The following SOX5 variants were observed in gnomAD, a reference collection of about 807,000 sequenced individuals.
SOX5 encodes transcription factor SOX-5.
Under a neutral mutation model 92.0 loss-of-function variants are expected in SOX5, and 9 were observed. The observed-to-expected ratio is 0.10, with a 90% CI of 0.06 to 0.17. SOX5 has a LOEUF of 0.17. SOX5 is among the 10% of genes least tolerant of loss of function. SOX5 has a pLI of 1.00. For synonymous variants in SOX5, 344 were observed against 336.3 expected (o/e 1.02, Z -0.25); for missense variants, 642 against 944.5 (o/e 0.68, Z 4.20).
chr12:23,868,467 A>T (rs1404189383), intron 2 of SOX5, among the ~76,000 whole-genome samples: 2 of 151,950 alleles, frequency 1.3e-5, no homozygotes, highest in Non-Finnish European at 2.9e-5. Flanking sequence ...CATTTCTCAT[A>T]CTCTTCAGAA....
intron 4 of SOX5, among the ~76,000 whole-genome samples, chr12:24,105,576 C>A (rs939298620): frequency 2.6e-5 from 4 of 152,058 alleles, no homozygotes; most frequent in African/African-American, 9.7e-5. Context: ...ACAAACAAAC[C>A]CATTTTGCTT....
chr12:24,329,642 A>G (rs1951075660), intron 2 of SOX5, among the ~76,000 whole-genome samples: 1 of 152,268 alleles, frequency 6.6e-6, no homozygotes, highest in Non-Finnish European at 1.5e-5. Context: ...ATGGGAATAC[A>G]AAAGCATGAT....
chr12:24,339,680 CA>C (rs1339167460), intron 2 of SOX5, among the ~76,000 whole-genome samples: 2 of 152,070 alleles, frequency 1.3e-5, no homozygotes, highest in Non-Finnish European at 1.5e-5. Flanking sequence ...TCAGTATAGC[CA>C]AAAAATGTTG....
At chr12:24,097,618 AC>A (rs1011884520) in intron 4 of SOX5, among the ~76,000 whole-genome samples, 13 of 151,584 alleles carry the variant, frequency 8.6e-5, no homozygotes, top group African/African-American at 3.2e-4. Context: ...CATTACTTTT[AC>A]TTTTGGAGAA....
At chr12:23,838,399 A>G (rs2096462798) in intron 3 of SOX5, among the ~76,000 whole-genome samples, 1 of 151,746 alleles carries the variant, frequency 6.6e-6, no homozygotes, top group Non-Finnish European at 1.5e-5. Context: ...TGTCATAGCA[A>G]ATTCTCAATA....
chr12:23,570,919 AAAAAAAAAAAAATATATATAT>A (rs1948105057), intron 10 of SOX5, among the ~76,000 whole-genome samples: 2 of 38,816 alleles, frequency 5.2e-5, no homozygotes, highest in African/African-American at 2.1e-4. Flanking sequence ...TCAAAAAAAA[AAAAAAAAAAAAATATATATAT>A]ATATATATAT....
chr12:24,093,317 C>G (rs1381773947), intron 4 of SOX5, among the ~76,000 whole-genome samples: 1 of 151,944 alleles, frequency 6.6e-6, no homozygotes, highest in South Asian at 2.1e-4. Context: ...GTCCGGAGAT[C>G]GAGACCATCC....
At chr12:23,854,898 G>A (rs2096670259) in intron 2 of SOX5, among the ~76,000 whole-genome samples, 1 of 152,000 alleles carries the variant, frequency 6.6e-6, no homozygotes, top group African/African-American at 2.4e-5. Flanking sequence ...TATATGAGCT[G>A]GGGTATTACA....
chr12:23,791,463 T>C (rs1453620108), intron 3 of SOX5, among the ~76,000 whole-genome samples: 1 of 152,180 alleles, frequency 6.6e-6, no homozygotes, highest in South Asian at 2.1e-4. Flanking sequence ...GCACGGGCTT[T>C]AGTTGTTTAT....
rs528400729 is a variant in SOX5, at chr12:24,499,813, T to G, written c.-251+62516A>C. ...AAAGAGAACAGGAAGAGAAGAACTA[T>G]GAACTTAGTGCTGTTAACTATTGGA... On this transcript the variant is annotated intron_variant, in intron 1 of 4. Transcript: ENST00000446891. 1.9e-4 allele frequency among the ~76,000 whole-genome samples: 29 copies of G among 151,800 alleles called. No individual in the cohort carries two copies. The South Asian group carries it at 4.4e-3, about 23-fold the overall frequency.
At chr12:24,304,622 C>T (rs115292853) in intron 2 of SOX5, among the ~76,000 whole-genome samples, 196 of 152,224 alleles carry the variant, frequency 1.3e-3, no homozygotes, top group African/African-American at 4.6e-3. Flanking sequence ...GTTCTCTACT[C>T]GCTTCGTATT....
At chr12:24,105,760 GT>G (rs1946600336) in intron 4 of SOX5, among the ~76,000 whole-genome samples, 1 of 152,092 alleles carries the variant, frequency 6.6e-6, no homozygotes, top group Non-Finnish European at 1.5e-5. Context: ...GTCATTTTAT[GT>G]TACCATAGTC....
intron 2 of SOX5, among the ~76,000 whole-genome samples, chr12:24,285,118 G>A (rs1029281138): frequency 6.6e-6 from 1 of 152,104 alleles, no homozygotes; most frequent in Admixed American, 6.5e-5. Flanking sequence ...GGGCAACAGG[G>A]TGAGTGAGAT....
chr12:24,095,389 G>T (rs1050183694), intron 4 of SOX5, among the ~76,000 whole-genome samples: 1 of 151,316 alleles, frequency 6.6e-6, no homozygotes, highest in South Asian at 2.1e-4. Flanking sequence ...TACAAAGTTC[G>T]GGGAAGTTTC....
At chr12:24,076,828 A>C (rs1172818112) in intron 4 of SOX5, among the ~76,000 whole-genome samples, 12 of 151,856 alleles carry the variant, frequency 7.9e-5, no homozygotes, top group African/African-American at 2.9e-4. Flanking sequence ...AAAAAATAAA[A>C]TCCAAACCAT....
rs372047169 is a variant in SOX5, at chr12:24,463,603, G to T, written c.-250-94964C>A. On this transcript the variant is annotated intron_variant, in intron 1 of 4. Transcript: ENST00000446891. ...CGTGATACTATCTTATTTGAAAAGGGGGTGAGCTTGCCAGGTGTAAGGAAG... is the reference window on the plus strand; with the variant it reads ...CGTGATACTATCTTATTTGAAAAGGTGGTGAGCTTGCCAGGTGTAAGGAAG... Among the ~76,000 whole-genome samples the T allele has an allele frequency of 9.2e-5, 14 of 152,278 alleles. No homozygotes were observed. In the East Asian group the frequency reaches 2.1e-3, roughly 23 times the overall value.
chr12:24,152,647 G>A (rs1045461998), intron 4 of SOX5, among the ~76,000 whole-genome samples: 3 of 151,844 alleles, frequency 2.0e-5, no homozygotes, highest in Admixed American at 6.6e-5. Flanking sequence ...GAACACATTC[G>A]ATTTATTGTT....
chr12:24,419,301 C>T (rs757666011), intron 1 of SOX5, among the ~76,000 whole-genome samples: 2 of 152,082 alleles, frequency 1.3e-5, no homozygotes, highest in African/African-American at 4.8e-5. Context: ...CCATGCCAGG[C>T]TAATTTTTTT....
intron 4 of SOX5, among the ~76,000 whole-genome samples, chr12:23,967,497 T>C (rs529999032): frequency 1.3e-5 from 2 of 152,192 alleles, no homozygotes; most frequent in African/African-American, 2.4e-5. Context: ...AGAAATAAGA[T>C]AGATATAAAA....
Sources: gnomAD v4.1 joint callset for allele counts (sites outside exome capture counted in the v4.1 genomes callset) on GRCh38, gnomAD v4.1.1 for gene constraint, MANE v1.5 for transcripts, NCBI Gene and HGNC (gene_info 2026-07-23, HGNC 2026-07-21) for gene names.